RBP7: variants seen among roughly 807,000 people sequenced by gnomAD.
RBP7 encodes retinol binding protein 7.
A neutral mutation model predicts 16.7 loss-of-function variants in RBP7; 13 were observed. The observed-to-expected ratio is 0.78, with a 90% CI of 0.51 to 1.24. The LOEUF is 1.24. Ranked by LOEUF, RBP7 falls within the 50% of genes most tolerant of loss-of-function variation. RBP7 has a pLI of 0.00. For synonymous variants in RBP7, 54 were observed against 56.2 expected, an observed-to-expected ratio of 0.96 and a Z score of 0.17; for missense variants, 145 against 159.5, an observed-to-expected ratio of 0.91 and a Z score of 0.49.
At chr1:10,007,821 C>T (rs1177340777) in intron 2 of RBP7, 73 bp downstream of exon 2, 19 of 1,379,090 alleles carry the variant, frequency 1.4e-5, no homozygotes, top group Non-Finnish European at 1.8e-5. Flanking sequence ...CCAACGCAGG[C>T]GGACCACCTG....
In RBP7 at chr1:10,008,161, C is replaced by G. The variant is rs373169606; in HGVS notation, c.253-12C>G. 6.4e-6 allele frequency: 10 copies of G among 1,558,572 alleles called. No individual in the cohort carries two copies. The African/African-American group carries it at 9.5e-5, about 15-fold the overall frequency. On this transcript the variant is annotated splice_polypyrimidine_tract_variant and intron_variant, in intron 2 of 3. Transcript: ENST00000294435. ...CCAGGACAAGCTAACATTTTCTCCT[C>G]TCTTCATGCAGAGTTTGGTTATCTG...
At chr1:10,006,438 A>C (rs1324083953) in intron 1 of RBP7, among the ~76,000 whole-genome samples, 1 of 152,126 alleles carries the variant, frequency 6.6e-6, no homozygotes, top group Admixed American at 6.6e-5. Context: ...TGAGCCTGAA[A>C]GGTTGAGGCT....
At chr1:10,008,349 A>C (rs1251977926) in intron 3 of RBP7, 75 bp downstream of exon 3, 3 of 933,496 alleles carry the variant, frequency 3.2e-6, no homozygotes, top group African/African-American at 1.6e-5. Flanking sequence ...GGTGGCTCAC[A>C]CCTGTAATCC....
At chr1:10,003,111 C>G (rs1642325066) in intron 1 of RBP7, among the ~76,000 whole-genome samples, 1 of 152,158 alleles carries the variant, frequency 6.6e-6, no homozygotes, top group South Asian at 2.1e-4. Context: ...AGTTACTACC[C>G]CTTCCCTAGA....
intron 1 of RBP7, among the ~76,000 whole-genome samples, chr1:9,998,004 G>A (rs147177585): frequency 5.3e-4 from 80 of 152,312 alleles, no homozygotes; most frequent in East Asian, 7.7e-4. Flanking sequence ...GCTCCCGGGG[G>A]CCCCGCGCTG....
At chr1:10,008,120 A>G in intron 2 of RBP7, 53 bp from the exon 3 acceptor site, 2 of 1,202,656 alleles carry the variant, frequency 1.7e-6, no homozygotes, top group Non-Finnish European at 1.2e-6. Context: ...CTACTTCGTA[A>G]CACTTGAGGA....
chr1:10,013,497 C>T (rs535262200), intron 3 of RBP7, among the ~76,000 whole-genome samples: 1 of 151,862 alleles, frequency 6.6e-6, no homozygotes, highest in Non-Finnish European at 1.5e-5. Flanking sequence ...GCCTGGGCAG[C>T]ATAGTGTGAC....
rs549161152 is a variant in RBP7, at chr1:10,014,918, T to G, written c.355-864T>G. 6.6e-5 allele frequency among the ~76,000 whole-genome samples: 10 copies of G among 152,290 alleles called. 1 individual carries two copies. The highest frequency in any genetic ancestry group is 2.4e-4 in the African/African-American group (10 of 41,570). Reference sequence around the variant, plus strand: ...CTTAACCTATGCAGTCTGTGCTAACTCTGGGTAGTTAGTGCCCAAATTAAA... The same window carrying G: ...CTTAACCTATGCAGTCTGTGCTAACGCTGGGTAGTTAGTGCCCAAATTAAA... On this transcript the variant is annotated intron_variant, in intron 3 of 3. Transcript: ENST00000294435.
At chr1:10,011,924 G>A (rs1021871423) in intron 3 of RBP7, among the ~76,000 whole-genome samples, 4 of 151,884 alleles carry the variant, frequency 2.6e-5, no homozygotes, top group Admixed American at 6.6e-5. Flanking sequence ...GGGCGGAGCC[G>A]GGCGCAGTGG....
At chr1:10,001,303 G>A (rs528377885) in intron 1 of RBP7, among the ~76,000 whole-genome samples, 8 of 152,108 alleles carry the variant, frequency 5.3e-5, no homozygotes, top group Admixed American at 3.3e-4. Context: ...GCACAAAGAA[G>A]CAAGTTTACT....
intron 1 of RBP7, among the ~76,000 whole-genome samples, chr1:10,002,587 CCTT>C (rs1380043203): frequency 1.3e-5 from 2 of 152,066 alleles, no homozygotes; most frequent in East Asian, 3.8e-4. Context: ...GCAACCTCCT[CCTT>C]CTAGGCTCAA....
At chr1:10,008,053 CAAAAA>C in intron 2 of RBP7, 115 bp from the exon 3 acceptor site, 1 of 553,170 alleles carries the variant, frequency 1.8e-6, no homozygotes, top group East Asian at 3.1e-5. Context: ...GACTCCATCT[CAAAAA>C]AAAAAAAAAG....
At chr1:10,002,628 C>A (rs1429499485) in intron 1 of RBP7, among the ~76,000 whole-genome samples, 1 of 152,048 alleles carries the variant, frequency 6.6e-6, no homozygotes, top group Non-Finnish European at 1.5e-5. Flanking sequence ...GCCTCCCCAG[C>A]AGCCAGGACT....
At chr1:9,998,955 T>C (rs1175725978) in intron 1 of RBP7, among the ~76,000 whole-genome samples, 1 of 152,082 alleles carries the variant, frequency 6.6e-6, no homozygotes, top group Non-Finnish European at 1.5e-5. Flanking sequence ...CCAAGTGATA[T>C]GGTTTGGCTG....
chr1:10,010,190 G>A (rs368990107), intron 3 of RBP7, among the ~76,000 whole-genome samples: 3 of 151,568 alleles, frequency 2.0e-5, no homozygotes, highest in Non-Finnish European at 4.4e-5. Context: ...ATCTCAGCTC[G>A]CTGCAAACTC....
At chr1:10,014,791 G>A (rs1050527658) in intron 3 of RBP7, among the ~76,000 whole-genome samples, 1 of 152,192 alleles carries the variant, frequency 6.6e-6, no homozygotes. Flanking sequence ...CCGAGGAGGG[G>A]TTGTGGGAAA....
At chr1:10,002,694 C>A (rs567790266) in intron 1 of RBP7, among the ~76,000 whole-genome samples, 1 of 151,540 alleles carries the variant, frequency 6.6e-6, no homozygotes, top group African/African-American at 2.4e-5. Context: ...GGTAGAGATG[C>A]GGTTTCACCA....
chr1:10,010,935 G>A (rs982703412), intron 3 of RBP7, among the ~76,000 whole-genome samples: 1 of 152,096 alleles, frequency 6.6e-6, no homozygotes, highest in Non-Finnish European at 1.5e-5. Flanking sequence ...TGCCATGTTG[G>A]CCAGGCTGGT....
intron 1 of RBP7, among the ~76,000 whole-genome samples, chr1:10,004,524 C>G (rs929717854): frequency 1.3e-5 from 2 of 151,678 alleles, no homozygotes; most frequent in African/African-American, 2.4e-5. Flanking sequence ...TACAGGCATG[C>G]GCCACCATGC....
Sources: gnomAD v4.1 joint callset for allele counts (sites outside exome capture counted in the v4.1 genomes callset) on GRCh38, gnomAD v4.1.1 for gene constraint, MANE v1.5 for transcripts, NCBI Gene and HGNC (gene_info 2026-07-23, HGNC 2026-07-21) for gene names.